The following CHRM3 variants were observed in gnomAD, a reference collection of about 807,000 sequenced individuals.
CHRM3 encodes muscarinic acetylcholine receptor M3.
Under a neutral mutation model 41.8 loss-of-function variants are expected in CHRM3, and 11 were observed. The ratio of observed to expected loss-of-function variants is 0.26; its 90% CI spans 0.17 to 0.44. The LOEUF (loss-of-function observed/expected upper bound fraction) is 0.44, where lower values mean the gene tolerates loss of function less well. Among genes scored for constraint, CHRM3 ranks in the 20% least tolerant of loss-of-function variants. CHRM3 has a pLI of 1.00. For missense variants in CHRM3, 571 were observed against 745.4 expected (o/e 0.77, Z 2.72); for synonymous variants, 297 against 301.4 (o/e 0.99, Z 0.15).
chr1:239,561,199 A>G (rs1660824271), intron 3 of CHRM3, among the ~76,000 whole-genome samples: 1 of 152,170 alleles, frequency 6.6e-6, no homozygotes, highest in Admixed American at 6.5e-5. Context: ...ATTGTCCAAG[A>G]CAAGAAATTC....
Position 239,859,430 on chromosome 1 carries a change from T to TG in CHRM3, c.-20+32052_-20+32053insG, listed in dbSNP as rs1241014241. Reference sequence around the variant, plus strand: ...TTGTTGTTGTTGTTGTTTTTTTTTTTTGTTTTTTTTTTTGAGGTGGAGTCT... The same window carrying TG: ...TTGTTGTTGTTGTTGTTTTTTTTTTTGTGTTTTTTTTTTTGAGGTGGAGTCT... On this transcript the variant is annotated intron_variant, in intron 6 of 6. Coordinates refer to ENST00000676153, the MANE Select transcript of CHRM3 (RefSeq NM_001375978.1). Among the ~76,000 whole-genome samples the TG allele has an allele frequency of 6.4e-3, 922 of 145,132 alleles. 6 individuals are homozygous for TG. The highest frequency in any genetic ancestry group is 0.011 in the South Asian group (49 of 4,600).
At chr1:239,505,980 T>C (rs1668541936) in intron 2 of CHRM3, among the ~76,000 whole-genome samples, 2 of 152,208 alleles carry the variant, frequency 1.3e-5, no homozygotes, top group African/African-American at 4.8e-5. Flanking sequence ...TTTGTGGAAC[T>C]TTGAACCTGA....
At chr1:239,682,406 TTA>T (rs1342198185) in intron 5 of CHRM3, among the ~76,000 whole-genome samples, 1 of 152,200 alleles carries the variant, frequency 6.6e-6, no homozygotes, top group Non-Finnish European at 1.5e-5. Context: ...TCTAAATTCC[TTA>T]TATTCTTGAA....
chr1:239,870,838 T>C (rs534624412), intron 6 of CHRM3, among the ~76,000 whole-genome samples: 1 of 152,296 alleles, frequency 6.6e-6, no homozygotes, highest in East Asian at 1.9e-4. Context: ...GGTGTGTTTA[T>C]CCTCTTTTTG....
At chr1:239,663,672 T>C (rs988589092) in intron 4 of CHRM3, among the ~76,000 whole-genome samples, 1 of 152,246 alleles carries the variant, frequency 6.6e-6, no homozygotes, top group African/African-American at 2.4e-5. Context: ...ACAGTGCCAA[T>C]GTCCTCGTAA....
At chr1:239,847,536 TGGGAAAAATAAGTCA>T (rs56706858) in intron 6 of CHRM3, among the ~76,000 whole-genome samples, 4,726 of 152,008 alleles carry the variant, frequency 0.031, 251 homozygotes, top group African/African-American at 0.11. Flanking sequence ...TTGAACCACA[TGGGAAAAATAAGTCA>T]GGGAAAAATA....
chr1:239,596,155 C>G (rs1188142904), intron 3 of CHRM3, among the ~76,000 whole-genome samples: 8 of 152,174 alleles, frequency 5.3e-5, no homozygotes, highest in Non-Finnish European at 8.8e-5. Flanking sequence ...GATAACCTCT[C>G]TAAGGCTGCC....
intron 5 of CHRM3, among the ~76,000 whole-genome samples, chr1:239,803,574 C>A (rs140855708): frequency 7.2e-5 from 11 of 152,186 alleles, no homozygotes; most frequent in African/African-American, 1.7e-4. Flanking sequence ...ATACGTGGAG[C>A]CTTGAATTTC....
At chr1:239,666,429 T>C (rs1160197113) in intron 4 of CHRM3, among the ~76,000 whole-genome samples, 1 of 152,034 alleles carries the variant, frequency 6.6e-6, no homozygotes, top group Non-Finnish European at 1.5e-5. Flanking sequence ...TGACCTCAGG[T>C]GATCTGCCCA....
chr1:239,891,290 C>T (rs984728236), intron 6 of CHRM3, among the ~76,000 whole-genome samples: 1 of 152,190 alleles, frequency 6.6e-6, no homozygotes, highest in Admixed American at 6.5e-5. Flanking sequence ...GACACCTAAC[C>T]TCAGCATTCA....
intron 5 of CHRM3, among the ~76,000 whole-genome samples, chr1:239,745,045 A>G (rs1376751696): frequency 1.3e-5 from 2 of 152,116 alleles, no homozygotes; most frequent in Non-Finnish European, 2.9e-5. Flanking sequence ...TCAGGACATG[A>G]CATGGAGAGG....
chr1:239,557,668 G>A (rs1192191526), intron 3 of CHRM3, among the ~76,000 whole-genome samples: 1 of 152,096 alleles, frequency 6.6e-6, no homozygotes, highest in African/African-American at 2.4e-5. Context: ...CCCAGTGTGT[G>A]TTGTTCCCCT....
At chr1:239,587,074 G>C (rs1314021091) in intron 3 of CHRM3, among the ~76,000 whole-genome samples, 2 of 152,294 alleles carry the variant, frequency 1.3e-5, no homozygotes, top group Admixed American at 6.5e-5. Flanking sequence ...CCTGAGCCGG[G>C]AAAGAGTTGA....
At chr1:239,492,404 A>G (rs940884972) in intron 1 of CHRM3, among the ~76,000 whole-genome samples, 2 of 152,164 alleles carry the variant, frequency 1.3e-5, no homozygotes, top group African/African-American at 4.8e-5. Context: ...GCTCGCAGAG[A>G]GCCTTCATGG....
chr1:239,542,800 G>A (rs1406693680), intron 2 of CHRM3, among the ~76,000 whole-genome samples: 1 of 151,764 alleles, frequency 6.6e-6, no homozygotes, highest in African/African-American at 2.4e-5. Context: ...TAAATCTTTG[G>A]GATTTTGTTC....
intron 3 of CHRM3, among the ~76,000 whole-genome samples, chr1:239,587,516 A>G (rs1402768796): frequency 2.6e-5 from 4 of 152,220 alleles, no homozygotes; most frequent in Admixed American, 6.5e-5. Context: ...AGGCAAGAAC[A>G]TCAGGAAGCA....
intron 2 of CHRM3, among the ~76,000 whole-genome samples, chr1:239,496,669 A>G: frequency 6.6e-6 from 1 of 152,070 alleles, no homozygotes; most frequent in Non-Finnish European, 1.5e-5. Flanking sequence ...TCCAACATGG[A>G]TGATATATTT....
chr1:239,454,626 T>A (rs1664789677), intron 1 of CHRM3, among the ~76,000 whole-genome samples: 1 of 152,126 alleles, frequency 6.6e-6, no homozygotes, highest in Non-Finnish European at 1.5e-5. Context: ...TGGGGCACCC[T>A]GGCAACAAGG....
At chr1:239,657,042 T>C (rs549033422) in intron 4 of CHRM3, among the ~76,000 whole-genome samples, 1 of 152,324 alleles carries the variant, frequency 6.6e-6, no homozygotes, top group South Asian at 2.1e-4. Context: ...GAAAGGATGT[T>C]ATAATGCTAT....
Sources: gnomAD v4.1 joint callset for allele counts (sites outside exome capture counted in the v4.1 genomes callset) on GRCh38, gnomAD v4.1.1 for gene constraint, MANE v1.5 for transcripts, NCBI Gene and HGNC (gene_info 2026-07-23, HGNC 2026-07-21) for gene names.